BLTP3B: variants seen among roughly 807,000 people sequenced by gnomAD.
BLTP3B encodes the protein UHRF1 (ICBP90) binding protein 1-like.
chr12:100,057,286 A>T, the BLTP3B span, among the ~76,000 whole-genome samples: 3 of 152,184 alleles, frequency 2.0e-5, no homozygotes, highest in African/African-American at 7.2e-5. Context: ...CAATGGAACA[A>T]CCATTAGAGG....
the BLTP3B span, among the ~76,000 whole-genome samples, chr12:100,124,122 T>A: frequency 3.3e-5 from 5 of 151,474 alleles, no homozygotes; most frequent in Admixed American, 2.6e-4. Flanking sequence ...TTTTTTTTTT[T>A]AATTAGCCAA....
chr12:100,089,988 TTGAC>T, the BLTP3B span, among the ~76,000 whole-genome samples: 1 of 152,218 alleles, frequency 6.6e-6, no homozygotes, highest in African/African-American at 2.4e-5. Context: ...CATTGTTTCT[TTGAC>T]TGCTGCCATC....
At chr12:100,065,363 T>G in the BLTP3B span, among the ~76,000 whole-genome samples, 3 of 151,778 alleles carry the variant, frequency 2.0e-5, no homozygotes, top group African/African-American at 7.3e-5. Flanking sequence ...CCATAAGGTC[T>G]GACTGCCTGC....
At chr12:100,068,293 A>G in the BLTP3B span, among the ~76,000 whole-genome samples, 2 of 152,242 alleles carry the variant, frequency 1.3e-5, no homozygotes, top group South Asian at 2.1e-4. Context: ...CTGGCTAACC[A>G]TATGTGGGAG....
chr12:100,066,390 C>T, the BLTP3B span, among the ~76,000 whole-genome samples: 1 of 151,954 alleles, frequency 6.6e-6, no homozygotes, highest in Non-Finnish European at 1.5e-5. Context: ...ACTAATAGGC[C>T]TAAGAAATGA....
the BLTP3B span, among the ~76,000 whole-genome samples, chr12:100,122,229 T>C: frequency 2.0e-5 from 3 of 152,144 alleles, no homozygotes; most frequent in African/African-American, 7.2e-5. Flanking sequence ...CCAATGGAGA[T>C]ATTAGAAGCA....
At chr12:100,078,068 G>C in the BLTP3B span, among the ~76,000 whole-genome samples, 1 of 152,080 alleles carries the variant, frequency 6.6e-6, no homozygotes, top group Non-Finnish European at 1.5e-5. Context: ...GATATAGTTT[G>C]GATATTGTCC....
At chr12:100,108,340 T>C in the BLTP3B span, 1 of 1,573,792 alleles carries the variant, frequency 6.4e-7, no homozygotes, top group Non-Finnish European at 8.6e-7. Flanking sequence ...AAGGAAAACA[T>C]GAAAGGCCTT....
chr12:100,053,107 TA>T, the BLTP3B span, among the ~76,000 whole-genome samples: 2 of 151,838 alleles, frequency 1.3e-5, no homozygotes, highest in Non-Finnish European at 2.9e-5. Flanking sequence ...TTGTGTTTTT[TA>T]AGAGTATTTT....
chr12:100,141,651 A>G, the BLTP3B span, among the ~76,000 whole-genome samples: 1 of 152,180 alleles, frequency 6.6e-6, no homozygotes, highest in Non-Finnish European at 1.5e-5. Context: ...TCTTCCCAAA[A>G]TTAGTTAAAA....
the BLTP3B span, among the ~76,000 whole-genome samples, chr12:100,082,346 C>G: frequency 6.6e-6 from 1 of 152,156 alleles, no homozygotes; most frequent in Non-Finnish European, 1.5e-5. Flanking sequence ...TTCTCCCATT[C>G]TGTAGGATGT....
At chr12:100,111,593 G>GT in the BLTP3B span, among the ~76,000 whole-genome samples, 6,215 of 149,624 alleles carry the variant, frequency 0.042, 259 homozygotes, top group African/African-American at 0.11. Context: ...CTAGTTTTTT[G>GT]TTTTTTTTTG....
the BLTP3B span, among the ~76,000 whole-genome samples, chr12:100,079,384 G>T: frequency 1.3e-5 from 2 of 152,170 alleles, no homozygotes; most frequent in South Asian, 2.1e-4. Context: ...TGAGGAACTT[G>T]TTGGGAACTG....
At chr12:100,050,334 TAAA>T in the BLTP3B span, 2 of 1,586,872 alleles carry the variant, frequency 1.3e-6, no homozygotes. Flanking sequence ...AATGATTGCA[TAAA>T]TAATATTAGT....
chr12:100,075,186 A>T, the BLTP3B span, among the ~76,000 whole-genome samples: 4 of 151,868 alleles, frequency 2.6e-5, no homozygotes, highest in Non-Finnish European at 4.4e-5. Flanking sequence ...TAAGTTTTGT[A>T]TTTTTAGTAG....
At chr12:100,072,341 G>T in the BLTP3B span, among the ~76,000 whole-genome samples, 1 of 151,630 alleles carries the variant, frequency 6.6e-6, no homozygotes, top group South Asian at 2.1e-4. Context: ...GGAGGGAAAA[G>T]GATACATAAA....
chr12:100,077,875 T>C, the BLTP3B span, among the ~76,000 whole-genome samples: 2 of 152,186 alleles, frequency 1.3e-5, no homozygotes, highest in Non-Finnish European at 2.9e-5. Context: ...AGTTCTTAGC[T>C]ATAGAATTAT....
the BLTP3B span, chr12:100,088,817 C>G: frequency 5.2e-6 from 5 of 970,542 alleles, no homozygotes; most frequent in Non-Finnish European, 7.1e-6. Flanking sequence ...GACAAATTAT[C>G]TTACAGGACA....
At chr12:100,059,151 T>C in the BLTP3B span, 1 of 1,614,140 alleles carries the variant, frequency 6.2e-7, no homozygotes, top group Non-Finnish European at 8.5e-7. Flanking sequence ...TTTTCCACTT[T>C]TCATCCCTTC....
Sources: allele counts gnomAD v4.1 joint callset (sites outside exome capture counted in the v4.1 genomes callset), GRCh38; gene constraint gnomAD v4.1.1; transcripts MANE v1.5; gene names NCBI Gene and HGNC (gene_info 2026-07-23, HGNC 2026-07-21).